COL15A1: variants seen among roughly 807,000 people sequenced by gnomAD.
COL15A1 encodes the protein collagen type XV alpha 1 chain, also known as collagen alpha-1(XV) chain.
COL15A1 carries 111 observed loss-of-function variants against 165.9 expected under a neutral mutation model. The ratio of observed to expected loss-of-function variants is 0.67; its 90% CI spans 0.57 to 0.78. The LOEUF (loss-of-function observed/expected upper bound fraction) is 0.78, where lower values mean the gene tolerates loss of function less well. Ranked by LOEUF, COL15A1 falls within the 30% of genes least tolerant of loss-of-function variation. COL15A1 has a pLI of 0.00. For missense variants in COL15A1, 1,745 were observed against 1,789.7 expected, an observed-to-expected ratio of 0.98 and a Z score of 0.45; for synonymous variants, 659 against 674.8, an observed-to-expected ratio of 0.98 and a Z score of 0.36.
At chr9:98,979,806 A>G (rs1838204879) in intron 2 of COL15A1, among the ~76,000 whole-genome samples, 2 of 152,176 alleles carry the variant, frequency 1.3e-5, no homozygotes, top group Non-Finnish European at 2.9e-5. Context: ...ATCAAATCTG[A>G]GTTCATGGCC....
In COL15A1 at chr9:99,025,099, G is replaced by A. The variant is rs773837501; in HGVS notation, c.1980+100G>A. 1.2e-4 allele frequency: 114 copies of A among 944,856 alleles called. No individual in the cohort carries two copies. In the Middle Eastern group the frequency reaches 1.7e-3, roughly 14 times the overall value. The allele number at this position is 944,856 out of a possible 1,614,324, so 58.5% of individuals were successfully genotyped here. A position where few individuals can be genotyped will look rare whatever the true frequency, so the allele number is the denominator to read the frequency against. ...CAAAACCCAGCACTGTCCAAGGTTC[G>A]CGATGGGGAGAGAGCAGCTAGCTGT... is the stretch of plus-strand genomic sequence containing the variant. On this transcript the variant is annotated intron_variant, in intron 15 of 41. Coordinates refer to ENST00000375001, the MANE Select transcript of COL15A1 (RefSeq NM_001855.5).
chr9:99,038,262 C>G (rs1456985284), intron 21 of COL15A1, among the ~76,000 whole-genome samples: 1 of 152,026 alleles, frequency 6.6e-6, no homozygotes, highest in Non-Finnish European at 1.5e-5. Context: ...TTCCAAAATT[C>G]CACATGGAAA....
chr9:98,947,400 A>C (rs74973615), intron 2 of COL15A1, among the ~76,000 whole-genome samples: 312 of 152,290 alleles, frequency 2.0e-3, no homozygotes, highest in South Asian at 0.012. Flanking sequence ...AAGGGGCATG[A>C]GGAAACTTTT....
chr9:99,015,380 C>T (rs766864143), intron 9 of COL15A1, 37 bp from the exon 10 acceptor site: 25 of 1,539,926 alleles, frequency 1.6e-5, no homozygotes, highest in African/African-American at 5.4e-5. Flanking sequence ...GGGGCATGGG[C>T]GAAGGGGCAC....
intron 10 of COL15A1, 64 bp from the exon 11 acceptor site, chr9:99,015,912 T>TA: frequency 6.3e-7 from 1 of 1,578,752 alleles, no homozygotes; most frequent in Non-Finnish European, 8.6e-7. Context: ...AAACGACTGT[T>TA]ACAACTCCCT....
At chr9:99,011,099 A>G (rs929138057) in intron 9 of COL15A1, among the ~76,000 whole-genome samples, 3 of 152,240 alleles carry the variant, frequency 2.0e-5, no homozygotes, top group Non-Finnish European at 4.4e-5. Flanking sequence ...GCGAGAGAAA[A>G]CAGAAAAGAG....
At chr9:98,999,859 T>A (rs1056201855) in intron 6 of COL15A1, among the ~76,000 whole-genome samples, 2 of 61,580 alleles carry the variant, frequency 3.2e-5, no homozygotes, top group African/African-American at 9.5e-5. Context: ...CCATTTGCGT[T>A]TTTTTTTTTT....
At chr9:99,025,874 T>TG in intron 15 of COL15A1, 30 bp from the exon 16 acceptor site, 1 of 1,608,528 alleles carries the variant, frequency 6.2e-7, no homozygotes, top group Non-Finnish European at 8.5e-7. Flanking sequence ...GCAGAAATGT[T>TG]GTGGGTTGAT....
chr9:99,022,865 G>A (rs1839051670), intron 13 of COL15A1, among the ~76,000 whole-genome samples: 1 of 152,212 alleles, frequency 6.6e-6, no homozygotes, highest in Admixed American at 6.5e-5. Context: ...GGCTCTCTGG[G>A]TGCTCGGCCT....
chr9:99,008,833 C>T lies in COL15A1; in HGVS notation c.1353+3783C>T, dbSNP rs143707408. Among the ~76,000 whole-genome samples, 1,019 of 152,284 alleles carry T rather than the reference C, an allele frequency of 6.7e-3. 29 individuals carry two copies. The East Asian group carries it at 0.11, about 17-fold the overall frequency. On this transcript the variant is annotated intron_variant, in intron 9 of 41. Transcript: ENST00000375001. ...CCATGTTGGTCAGGCTGGTCTCAAACTCCTGACCTCAGATGATCCACCTGC... is the reference window on the plus strand; with the variant it reads ...CCATGTTGGTCAGGCTGGTCTCAAATTCCTGACCTCAGATGATCCACCTGC...
intron 30 of COL15A1, among the ~76,000 whole-genome samples, chr9:99,050,881 T>C (rs1839576291): frequency 6.6e-6 from 1 of 152,246 alleles, no homozygotes; most frequent in South Asian, 2.1e-4. Context: ...GACATCTGGC[T>C]AAGTCTAAAC....
chr9:98,964,942 C>G (rs997181147), intron 2 of COL15A1, among the ~76,000 whole-genome samples: 1 of 152,218 alleles, frequency 6.6e-6, no homozygotes, highest in Non-Finnish European at 1.5e-5. Context: ...GACTGCGCTG[C>G]TTGTCTGCCC....
intron 2 of COL15A1, among the ~76,000 whole-genome samples, chr9:98,962,569 T>C (rs894487302): frequency 2.0e-5 from 3 of 152,222 alleles, no homozygotes; most frequent in African/African-American, 4.8e-5. Flanking sequence ...ACTTAAGTGC[T>C]TTTAAAGATA....
intron 2 of COL15A1, among the ~76,000 whole-genome samples, chr9:98,980,365 G>T (rs1035725001): frequency 6.6e-6 from 1 of 152,258 alleles, no homozygotes; most frequent in Non-Finnish European, 1.5e-5. Context: ...AGAGGGGAGG[G>T]TGTGGGTGCG....
rs956405443 is a variant in COL15A1 at position 98,996,391 on chromosome 9, T to A, written c.805-543T>A. 3.3e-5 allele frequency among the ~76,000 whole-genome samples: 5 copies of A among 152,288 alleles called. No individual in the cohort carries two copies. In the South Asian group the frequency reaches 8.3e-4, roughly 25 times the overall value. ...TCACTGAAGCACTCTGTGTTTCTGT[T>A]GGGGTTTTGTTTGTTTGCTTTTCTC... On this transcript the variant is annotated intron_variant, in intron 5 of 41. Coordinates refer to ENST00000375001, the MANE Select transcript of COL15A1 (RefSeq NM_001855.5).
chr9:99,066,599 GTTTTTTTTTT>G (rs67961829), intron 39 of COL15A1, among the ~76,000 whole-genome samples: 124 of 71,040 alleles, frequency 1.7e-3, no homozygotes, highest in East Asian at 4.0e-3. Flanking sequence ...ATTTTGTTCT[GTTTTTTTTTT>G]TTTTTTTTTT....
intron 8 of COL15A1, among the ~76,000 whole-genome samples, chr9:99,004,387 T>A (rs2118954895): frequency 6.6e-6 from 1 of 152,084 alleles, no homozygotes; most frequent in East Asian, 1.9e-4. Context: ...CTGAGAAACA[T>A]CCATTGAATT....
intron 5 of COL15A1, among the ~76,000 whole-genome samples, chr9:98,991,663 C>A (rs567267626): frequency 1.2e-3 from 173 of 148,236 alleles, no homozygotes; most frequent in African/African-American, 4.1e-3. Flanking sequence ...CCGATTGATG[C>A]ATTTACAATC....
At chr9:98,944,804 G>C (rs1018717352) in intron 2 of COL15A1, among the ~76,000 whole-genome samples, 3 of 152,214 alleles carry the variant, frequency 2.0e-5, no homozygotes, top group African/African-American at 7.2e-5. Flanking sequence ...AAAGAGCTGT[G>C]GCCTGGAAGC....
Sources: allele counts gnomAD v4.1 joint callset (sites outside exome capture counted in the v4.1 genomes callset), GRCh38; gene constraint gnomAD v4.1.1; transcripts MANE v1.5; gene names NCBI Gene and HGNC (gene_info 2026-07-23, HGNC 2026-07-21).